DLGAP2: variants seen among roughly 807,000 people sequenced by gnomAD.
The protein encoded by DLGAP2 is DLG associated protein 2.
In DLGAP2, 26 loss-of-function variants were observed where a neutral mutation model predicts 100.3. That is an observed-to-expected ratio of 0.26 (90% CI 0.19 to 0.36). DLGAP2 has a LOEUF of 0.36. DLGAP2 is among the 10% of genes least tolerant of loss of function. The probability of loss-of-function intolerance (pLI) is 1.00; values close to 1 mark genes in which losing one functional copy is unlikely to be tolerated. For synonymous variants in DLGAP2, 886 were observed against 630.1 expected (o/e 1.41, Z -6.08); for missense variants, 1,858 against 1,453.2 (o/e 1.28, Z -4.53).
At chr8:761,173 C>G (rs1052592378) in intron 1 of DLGAP2, among the ~76,000 whole-genome samples, 1 of 152,272 alleles carries the variant, frequency 6.6e-6, no homozygotes, top group East Asian at 1.9e-4. Context: ...GGGCCAGGCC[C>G]CTTCTCTGCT....
At chr8:1,290,683 G>A (rs1019353815) in intron 3 of DLGAP2, among the ~76,000 whole-genome samples, 7 of 152,190 alleles carry the variant, frequency 4.6e-5, no homozygotes, top group African/African-American at 1.7e-4. Flanking sequence ...ACTTTCCTGT[G>A]TTTTCTGGGA....
At chr8:1,270,730 CTCTT>C (rs1799565288) in intron 3 of DLGAP2, among the ~76,000 whole-genome samples, 2 of 151,324 alleles carry the variant, frequency 1.3e-5, no homozygotes, top group East Asian at 1.9e-4. Flanking sequence ...GTCTCCCTCT[CTCTT>C]TGTGTCTCTC....
intron 2 of DLGAP2, among the ~76,000 whole-genome samples, chr8:1,213,878 C>T (rs116309783): frequency 1.2e-3 from 178 of 152,314 alleles, no homozygotes; most frequent in African/African-American, 3.9e-3. Flanking sequence ...TGGCAGACTC[C>T]GCCCCATCAC....
chr8:882,993 T>C (rs898367477), intron 1 of DLGAP2, among the ~76,000 whole-genome samples: 1 of 152,244 alleles, frequency 6.6e-6, no homozygotes, highest in African/African-American at 2.4e-5. Context: ...AAGCTTTGTT[T>C]CCCTCCCTGT....
intron 3 of DLGAP2, among the ~76,000 whole-genome samples, chr8:1,423,535 A>AAAC (rs1797158383): frequency 6.6e-6 from 1 of 152,238 alleles, no homozygotes; most frequent in East Asian, 1.9e-4. Context: ...GCCTAGGCTT[A>AAAC]ATACTCCTGA....
chr8:1,155,488 G>A (rs1205959448), intron 2 of DLGAP2, among the ~76,000 whole-genome samples: 1 of 152,158 alleles, frequency 6.6e-6, no homozygotes, highest in East Asian at 1.9e-4. Context: ...CGGAATCTTG[G>A]AGGGAACTTT....
At position 1,548,753 on chromosome 8, in the gene DLGAP2, T is replaced by C; in HGVS notation, c.300T>C (p.Gly100=). The change falls in exon 5 of 15, where the codon GGT becomes GGC. Residue 100 remains glycine (G), a synonymous_variant. Transcript: ENST00000637795. Reference sequence around the variant, plus strand: ...CGCTGTGTTCCGGGCACACGTGTGGTCTGGCGCCCCCGGAGGACTGCGAGC... The same window carrying C: ...CGCTGTGTTCCGGGCACACGTGTGGCCTGGCGCCCCCGGAGGACTGCGAGC... ...QPPLCSGHTC[G]LAPPEDCEHL... is the part of the protein sequence containing the mutation. 1 of 1,603,868 alleles carries C rather than the reference T, an allele frequency of 6.2e-7. No individual in the cohort carries two copies. The highest frequency in any genetic ancestry group is 8.5e-7 in the Non-Finnish European group (1 of 1,177,034).
At chr8:1,268,837 G>A (rs550511686) in intron 3 of DLGAP2, among the ~76,000 whole-genome samples, 16 of 152,312 alleles carry the variant, frequency 1.1e-4, no homozygotes, top group African/African-American at 3.6e-4. Context: ...CTTGGCAGGT[G>A]CTAAGACATT....
chr8:1,661,236 A>C (rs569259379), intron 8 of DLGAP2, among the ~76,000 whole-genome samples: 27 of 152,170 alleles, frequency 1.8e-4, no homozygotes, highest in Non-Finnish European at 4.0e-4. Context: ...GCTTCTCCTC[A>C]TCCCGCTGAG....
chr8:1,555,542 T>A (rs1801935805), intron 5 of DLGAP2, among the ~76,000 whole-genome samples: 1 of 152,198 alleles, frequency 6.6e-6, no homozygotes, highest in South Asian at 2.1e-4. Flanking sequence ...CTTGGCAGGA[T>A]CTCGCTGGTG....
intron 2 of DLGAP2, among the ~76,000 whole-genome samples, chr8:993,585 G>A (rs1800690895): frequency 6.6e-6 from 1 of 151,872 alleles, no homozygotes; most frequent in Non-Finnish European, 1.5e-5. Flanking sequence ...GGTCATCTCA[G>A]CTCGTGTTCT....
rs576453137 is a variant in DLGAP2 at position 1,191,454 on chromosome 8, G to A, written c.74-67397G>A. Among the ~76,000 whole-genome samples, 14 of 152,310 alleles carry A rather than the reference G, an allele frequency of 9.2e-5. No homozygotes were observed. In the South Asian group the frequency reaches 1.9e-3, roughly 20 times the overall value. ...CAAAGTGCGGGGATTATAGGCGTGA[G>A]CCACCGCGCCCAGCCGATACGTTTT... is the stretch of plus-strand genomic sequence containing the variant. On this transcript the variant is annotated intron_variant, in intron 2 of 14. Transcript: ENST00000637795.
At position 1,708,369 on chromosome 8, in the gene DLGAP2, T is replaced by C. The variant is rs1202595345; in HGVS notation, c.*6963T>C. ...TGTTGAAATATCCTCAATTTCTCTA[T>C]ATTTTAAGAAGTAATGGACATTTAT... is the stretch of plus-strand genomic sequence containing the variant. On this transcript the variant is annotated 3_prime_UTR_variant, in exon 15 of 15. Transcript: ENST00000637795. 1 of 152,244 alleles carries C rather than the reference T, an allele frequency of 6.6e-6. No homozygotes were observed. The highest frequency in any genetic ancestry group is 1.5e-5 in the Non-Finnish European group (1 of 68,038). 9.4% of individuals were successfully genotyped at this position (152,244 alleles called of 1,614,324 possible).
chr8:897,343 A>G (rs978423845), intron 1 of DLGAP2, among the ~76,000 whole-genome samples: 2 of 152,188 alleles, frequency 1.3e-5, no homozygotes, highest in African/African-American at 4.8e-5. Flanking sequence ...GGTGAACACC[A>G]CGATTGTGCC....
chr8:1,222,000 T>G (rs1798323561), intron 2 of DLGAP2, among the ~76,000 whole-genome samples: 1 of 152,244 alleles, frequency 6.6e-6, no homozygotes, highest in Non-Finnish European at 1.5e-5. Flanking sequence ...ACCATTTTAC[T>G]GTTTTCCTTG....
intron 2 of DLGAP2, among the ~76,000 whole-genome samples, chr8:997,123 TATAGA>T (rs1800804075): frequency 6.6e-6 from 1 of 152,202 alleles, no homozygotes. Flanking sequence ...AAAAACAAGT[TATAGA>T]ATAGCATGAT....
intron 3 of DLGAP2, among the ~76,000 whole-genome samples, chr8:1,376,534 CAGA>C (rs1309173367): frequency 1.3e-5 from 2 of 152,202 alleles, no homozygotes; most frequent in Non-Finnish European, 2.9e-5. Context: ...GAGGCGCTTT[CAGA>C]AGAAGACGCT....
intron 3 of DLGAP2, among the ~76,000 whole-genome samples, chr8:1,442,142 G>A (rs985231472): frequency 1.3e-5 from 2 of 152,228 alleles, no homozygotes; most frequent in Non-Finnish European, 2.9e-5. Flanking sequence ...GACCCTCTGG[G>A]CTGCTGTGGG....
intron 3 of DLGAP2, among the ~76,000 whole-genome samples, chr8:1,409,315 C>T (rs554219240): frequency 6.6e-6 from 1 of 151,982 alleles, no homozygotes; most frequent in Non-Finnish European, 1.5e-5. Context: ...GTTCCTTCCT[C>T]ACCATAGCAG....
Sources: gnomAD v4.1 joint callset for allele counts (sites outside exome capture counted in the v4.1 genomes callset) on GRCh38, gnomAD v4.1.1 for gene constraint, MANE v1.5 for transcripts, NCBI Gene and HGNC (gene_info 2026-07-23, HGNC 2026-07-21) for gene names.